CTNNA2: variants seen among roughly 807,000 people sequenced by gnomAD.
The protein encoded by CTNNA2 is catenin alpha 2.
CTNNA2 carries 42 observed loss-of-function variants against 101.0 expected under a neutral mutation model. That is an observed-to-expected ratio of 0.42 (90% CI 0.32 to 0.54). CTNNA2 has a LOEUF of 0.54. Among genes scored for constraint, CTNNA2 ranks in the 20% least tolerant of loss-of-function variants. CTNNA2 has a pLI of 0.14. For missense variants in CTNNA2, 871 were observed against 1,223.1 expected (o/e 0.71, Z 4.29); for synonymous variants, 450 against 456.4 (o/e 0.99, Z 0.18).
At chr2:79,753,593 A>T (rs1672189550) in intron 3 of CTNNA2, among the ~76,000 whole-genome samples, 1 of 152,172 alleles carries the variant, frequency 6.6e-6, no homozygotes, top group Non-Finnish European at 1.5e-5. Flanking sequence ...AAATCCAAAC[A>T]GCTAAGATAT....
chr2:79,702,539 T>C lies in CTNNA2; in HGVS notation c.103-41848T>C, dbSNP rs539183818. On this transcript the variant is annotated intron_variant, in intron 2 of 18. Transcript: ENST00000402739. Reference sequence around the variant, plus strand: ...ATCATGAAGGACCCTATAGTTCACATTGAGAGATTTTTATTTTGATTCTGA... The same window carrying C: ...ATCATGAAGGACCCTATAGTTCACACTGAGAGATTTTTATTTTGATTCTGA... Among the ~76,000 whole-genome samples, 13 of 152,254 alleles carry C rather than the reference T, an allele frequency of 8.5e-5. No homozygotes were observed. The East Asian group carries it at 1.9e-3, about 23-fold the overall frequency.
chr2:79,694,544 T>G (rs1684528673), intron 2 of CTNNA2, among the ~76,000 whole-genome samples: 1 of 150,936 alleles, frequency 6.6e-6, no homozygotes, highest in East Asian at 1.9e-4. Context: ...ATTTCTGTGT[T>G]TTTTTTTTAA....
chr2:79,551,949 G>C (rs1227058831), intron 1 of CTNNA2, among the ~76,000 whole-genome samples: 3 of 152,188 alleles, frequency 2.0e-5, no homozygotes, highest in East Asian at 3.9e-4. Flanking sequence ...AATTTGGGCA[G>C]GGACACAAAT....
At chr2:79,885,647 C>T (rs1170883168) in intron 6 of CTNNA2, among the ~76,000 whole-genome samples, 1 of 152,220 alleles carries the variant, frequency 6.6e-6, no homozygotes, top group Non-Finnish European at 1.5e-5. Context: ...TGACTACAGA[C>T]ATCTAGCAAC....
rs1424788950 is a variant in CTNNA2 at position 80,302,887 on chromosome 2, C to T, written c.1057-90324C>T. 6.2e-7 allele frequency: 1 copy of T among 1,614,122 alleles called. No homozygotes were observed. Among genetic ancestry groups the T allele is most frequent in the Non-Finnish European group, 8.5e-7 (1 of 1,180,024 alleles). On this transcript the variant is annotated intron_variant, in intron 7 of 18. Coordinates refer to ENST00000402739, the MANE Select transcript of CTNNA2 (RefSeq NM_001282597.3). This position sits in a 1 kb window ranked among gnomAD's most constrained non-coding sequence, Gnocchi z 6.4. ...GCCCGCAATCCCACAGGTTCCCGGC[C>T]AGGGTGATGCTTGTCAGGGACTTCC...
intron 9 of CTNNA2, among the ~76,000 whole-genome samples, chr2:80,477,961 A>T (rs1685858008): frequency 6.6e-6 from 1 of 152,036 alleles, no homozygotes; most frequent in Admixed American, 6.6e-5. Flanking sequence ...GTCTTTGAGA[A>T]ATCTCCATAC....
chr2:79,914,643 C>G (rs1315972052), intron 7 of CTNNA2, among the ~76,000 whole-genome samples: 2 of 152,116 alleles, frequency 1.3e-5, no homozygotes, highest in Admixed American at 1.3e-4. Flanking sequence ...TGCAGTTAAA[C>G]TATTTTCAAA....
At chr2:79,985,384 G>A (rs969422497) in intron 7 of CTNNA2, among the ~76,000 whole-genome samples, 4 of 152,122 alleles carry the variant, frequency 2.6e-5, no homozygotes, top group Admixed American at 1.3e-4. Flanking sequence ...ATTGCTCAGG[G>A]TACATCCCTA....
intron 3 of CTNNA2, among the ~76,000 whole-genome samples, chr2:79,794,176 G>A (rs1282397628): frequency 2.0e-5 from 3 of 152,022 alleles, no homozygotes; most frequent in Non-Finnish European, 4.4e-5. Flanking sequence ...AGAATGAGAA[G>A]GAGGTTAGGA....
At chr2:80,630,738 A>C (rs1166098284) in intron 18 of CTNNA2, among the ~76,000 whole-genome samples, 3 of 152,234 alleles carry the variant, frequency 2.0e-5, no homozygotes, top group African/African-American at 7.2e-5. Flanking sequence ...AGTGATAGTT[A>C]AAATAATCAT....
At chr2:79,902,597 G>T (rs1685136104) in intron 6 of CTNNA2, among the ~76,000 whole-genome samples, 1 of 150,766 alleles carries the variant, frequency 6.6e-6, no homozygotes, top group Non-Finnish European at 1.5e-5. Flanking sequence ...TTTCACAGTT[G>T]TTCAAGGATC....
intron 7 of CTNNA2, among the ~76,000 whole-genome samples, chr2:80,277,919 C>T (rs1674052766): frequency 6.6e-6 from 1 of 152,056 alleles, no homozygotes; most frequent in Non-Finnish European, 1.5e-5. Context: ...TGTCTACTTT[C>T]CCCGGGTTAA....
In CTNNA2 at chr2:79,977,385, C is replaced by T. The variant is rs937276402; in HGVS notation, c.1056+67588C>T. Reference sequence around the variant, plus strand: ...TCCCAAAACTGGGGCAATGGTGCTACTGGCATGTATGTGTAGAGGCCAAGG... The same window carrying T: ...TCCCAAAACTGGGGCAATGGTGCTATTGGCATGTATGTGTAGAGGCCAAGG... On this transcript the variant is annotated intron_variant, in intron 7 of 18. Transcript: ENST00000402739. 2.0e-5 allele frequency among the ~76,000 whole-genome samples: 3 copies of T among 152,128 alleles called. No individual in the cohort carries two copies. The East Asian group carries it at 5.8e-4, about 30-fold the overall frequency.
At chr2:79,290,895 G>A (rs1675786980) in intron 2 of CTNNA2, among the ~76,000 whole-genome samples, 2 of 152,218 alleles carry the variant, frequency 1.3e-5, no homozygotes, top group Admixed American at 6.5e-5. Context: ...TGATAAGGCA[G>A]GGGGTCTAAT....
At chr2:80,569,978 T>C (rs1694433423) in intron 12 of CTNNA2, among the ~76,000 whole-genome samples, 1 of 152,032 alleles carries the variant, frequency 6.6e-6, no homozygotes, top group African/African-American at 2.4e-5. Context: ...TTAGAAAAAT[T>C]AATAGTCAAC....
At chr2:79,793,846 C>A (rs141066865) in intron 3 of CTNNA2, among the ~76,000 whole-genome samples, 1 of 151,244 alleles carries the variant, frequency 6.6e-6, no homozygotes, top group African/African-American at 2.4e-5. Context: ...CTTTTCATTT[C>A]TTTTTCCAAC....
Position 79,287,411 on chromosome 2 carries a change from G to A in CTNNA2, c.-405-25298G>A, listed in dbSNP as rs1417036809. 2.6e-5 allele frequency among the ~76,000 whole-genome samples: 4 copies of A among 152,144 alleles called. No individual in the cohort carries two copies. The East Asian group carries it at 7.7e-4, about 29-fold the overall frequency. ...TTATCTACTTTTGGTCTTTGACGAT[G>A]GTGATGTACAGATGGGTTTTTGGTG... On this transcript the variant is annotated intron_variant, in intron 2 of 21. Coordinates refer to the CTNNA2 transcript ENST00000466387.
At chr2:79,800,935 CTT>C (rs1676107868) in intron 3 of CTNNA2, among the ~76,000 whole-genome samples, 1 of 152,122 alleles carries the variant, frequency 6.6e-6, no homozygotes, top group Non-Finnish European at 1.5e-5. Context: ...GTCCTGAAGA[CTT>C]TGAAAAATAT....
At chr2:79,383,596 G>T (rs191242712) in intron 4 of CTNNA2, among the ~76,000 whole-genome samples, 2 of 152,136 alleles carry the variant, frequency 1.3e-5, no homozygotes, top group Non-Finnish European at 1.5e-5. Flanking sequence ...GGCATAGTGC[G>T]TATGCAGGCA....
Sources: gnomAD v4.1 joint callset for allele counts (sites outside exome capture counted in the v4.1 genomes callset) on GRCh38, gnomAD v4.1.1 for gene constraint, Gnocchi (gnomAD v3.1) non-coding constraint, MANE v1.5 for transcripts, NCBI Gene and HGNC (gene_info 2026-07-23, HGNC 2026-07-21) for gene names.